The following JMJD1C variants were observed in gnomAD, a reference collection of about 807,000 sequenced individuals.
JMJD1C encodes the protein jumonji domain containing 1C.
In JMJD1C, 31 loss-of-function variants were observed where a neutral mutation model predicts 245.3. The observed-to-expected ratio is 0.13, with a 90% CI of 0.09 to 0.17. JMJD1C has a LOEUF of 0.17. Ranked by LOEUF, JMJD1C falls within the 10% of genes least tolerant of loss-of-function variation. The pLI, the probability that JMJD1C is intolerant of heterozygous loss-of-function variation, is 1.00. For synonymous variants in JMJD1C, 1,057 were observed against 1,017.4 expected (o/e 1.04, Z -0.74); for missense variants, 2,691 against 3,000.2 (o/e 0.90, Z 2.41).
At chr10:63,519,948 G>T (rs1018091016) in intron 1 of JMJD1C, among the ~76,000 whole-genome samples, 1 of 152,136 alleles carries the variant, frequency 6.6e-6, no homozygotes, top group Non-Finnish European at 1.5e-5. Flanking sequence ...TGCTTATGCA[G>T]CACACCTGAT....
chr10:63,267,103 G>A (rs1165781155), intron 2 of JMJD1C, among the ~76,000 whole-genome samples: 2 of 152,128 alleles, frequency 1.3e-5, no homozygotes, highest in Non-Finnish European at 2.9e-5. Context: ...ACAAGGACAT[G>A]AGTACTTATA....
At chr10:63,232,411 T>C (rs533826843) in intron 3 of JMJD1C, among the ~76,000 whole-genome samples, 7 of 152,320 alleles carry the variant, frequency 4.6e-5, no homozygotes, top group African/African-American at 1.4e-4. Flanking sequence ...AATTTACTTT[T>C]ATCTATGAAA....
chr10:63,380,844 A>T (rs1947156628), intron 1 of JMJD1C, among the ~76,000 whole-genome samples: 1 of 152,220 alleles, frequency 6.6e-6, no homozygotes, highest in Non-Finnish European at 1.5e-5. Context: ...TACCTCCAGT[A>T]TGGAAAACAG....
At chr10:63,185,742 A>G in intron 19 of JMJD1C, 89 bp from the exon 20 acceptor site, 1 of 776,530 alleles carries the variant, frequency 1.3e-6, no homozygotes, top group Admixed American at 2.1e-5. Flanking sequence ...TGAATGAATG[A>G]TTTGATTGTT....
chr10:63,277,031 A>T (rs1856849790), intron 2 of JMJD1C, among the ~76,000 whole-genome samples: 1 of 150,584 alleles, frequency 6.6e-6, no homozygotes, highest in African/African-American at 2.4e-5. Flanking sequence ...ACGGGCACCC[A>T]CCACCACGCC....
Position 63,198,745 on chromosome 10 carries a change from A to G in JMJD1C, c.5277-18T>C. On this transcript the variant is annotated intron_variant, in intron 11 of 25. Coordinates refer to ENST00000399262, the MANE Select transcript of JMJD1C (RefSeq NM_032776.3). The stretch of plus-strand genomic sequence containing the variant: ...ATGACAACCTGAAATATTAAAACAT[A>G]AAAGTATTAGGTACCCACATATTAA... The G allele has an allele frequency of 2.0e-6, 3 of 1,487,764 alleles. No individual in the cohort carries two copies. The highest frequency in any genetic ancestry group is 2.3e-5 in the East Asian group (1 of 43,716). The allele number at this position is 1,487,764 out of a possible 1,614,324, so 92.2% of individuals were successfully genotyped here.
intron 3 of JMJD1C, among the ~76,000 whole-genome samples, chr10:63,229,607 G>A (rs1460898441): frequency 6.6e-6 from 1 of 151,938 alleles, no homozygotes; most frequent in Non-Finnish European, 1.5e-5. Flanking sequence ...GATGAAAGGA[G>A]TAAATATAAT....
intron 1 of JMJD1C, among the ~76,000 whole-genome samples, chr10:63,495,629 G>C (rs1363058671): frequency 6.6e-6 from 1 of 151,538 alleles, no homozygotes; most frequent in East Asian, 1.9e-4. Context: ...AAAAATTACT[G>C]GGGTGTGGTG....
intron 2 of JMJD1C, among the ~76,000 whole-genome samples, chr10:63,312,958 T>C (rs1453759339): frequency 6.6e-6 from 1 of 152,236 alleles, no homozygotes; most frequent in Non-Finnish European, 1.5e-5. Flanking sequence ...AAACTTTTTT[T>C]TTCCATAGGT....
intron 2 of JMJD1C, among the ~76,000 whole-genome samples, chr10:63,330,767 CTTCT>C (rs1275573729): frequency 6.6e-6 from 1 of 152,146 alleles, no homozygotes; most frequent in Non-Finnish European, 1.5e-5. Context: ...AAAACCATTT[CTTCT>C]TTAACAGTCC....
intron 1 of JMJD1C, among the ~76,000 whole-genome samples, chr10:63,415,432 T>C (rs1225104054): frequency 6.6e-6 from 1 of 152,190 alleles, no homozygotes. Context: ...AATATGAAAC[T>C]AGTTCTCACT....
In JMJD1C at chr10:63,388,191, A is replaced by T. The variant is rs149761687; in HGVS notation, c.169-7709T>A. On this transcript the variant is annotated intron_variant, in intron 1 of 25. Transcript: ENST00000399262. Reference sequence around the variant, plus strand: ...ATCTTTTCCAGAGCACCTTATAGTAAAAATGTCACTAAGTCAAAGACAGAG... The same window carrying T: ...ATCTTTTCCAGAGCACCTTATAGTATAAATGTCACTAAGTCAAAGACAGAG... Among the ~76,000 whole-genome samples the T allele has an allele frequency of 3.0e-3, 462 of 152,282 alleles. 1 individual carries two copies. Among genetic ancestry groups the T allele is most frequent in the Non-Finnish European group, 5.0e-3 (341 of 68,028 alleles).
Position 63,213,863 on chromosome 10 carries a change from T to A in JMJD1C, c.2304A>T (p.Ser768=). 6.2e-7 allele frequency: 1 copy of A among 1,614,066 alleles called. No homozygotes were observed. The highest frequency in any genetic ancestry group is 1.1e-5 in the South Asian group (1 of 91,072). Residue 768 remains serine, a synonymous_variant, in exon 8 of 26, where the codon TCA becomes TCT. Coordinates refer to ENST00000399262, the MANE Select transcript of JMJD1C (RefSeq NM_032776.3). ...TGGTAGGTAATGGAGTTTGACTAGATGATCCGGCTAGTAAATGGGGTGCAG... is the reference window on the plus strand; with the variant it reads ...TGGTAGGTAATGGAGTTTGACTAGAAGATCCGGCTAGTAAATGGGGTGCAG... ...LTPAPHLLAG[S]SSQTPLPTIN... is the part of the protein sequence containing the mutation.
intron 2 of JMJD1C, among the ~76,000 whole-genome samples, chr10:63,318,839 A>G (rs1245470945): frequency 6.6e-6 from 1 of 152,156 alleles, no homozygotes; most frequent in Non-Finnish European, 1.5e-5. Context: ...GTTTCCTTAA[A>G]TGGGTCTGCT....
At chr10:63,371,055 AT>A (rs1203425806) in intron 2 of JMJD1C, among the ~76,000 whole-genome samples, 12 of 152,086 alleles carry the variant, frequency 7.9e-5, no homozygotes, top group African/African-American at 2.7e-4. Flanking sequence ...ATAGCTCACC[AT>A]AGCCTTGTAC....
At chr10:63,374,661 T>TA (rs1344522400) in intron 2 of JMJD1C, among the ~76,000 whole-genome samples, 5 of 152,224 alleles carry the variant, frequency 3.3e-5, no homozygotes, top group African/African-American at 1.2e-4. Flanking sequence ...CCCAGTTGCT[T>TA]ATAATGCTCC....
chr10:63,306,541 T>C (rs1938265283), intron 2 of JMJD1C, among the ~76,000 whole-genome samples: 1 of 152,188 alleles, frequency 6.6e-6, no homozygotes, highest in South Asian at 2.1e-4. Flanking sequence ...AAAGAAAAAA[T>C]GTATGACTGT....
chr10:63,304,410 T>TA (rs147665768), intron 2 of JMJD1C, among the ~76,000 whole-genome samples: 30,416 of 151,580 alleles, frequency 0.2, 3,992 homozygotes, highest in Non-Finnish European at 0.29. Context: ...GCCAGGAATT[T>TA]AAAAAAAACA....
intron 3 of JMJD1C, chr10:63,222,317 C>A: frequency 1.5e-6 from 2 of 1,320,702 alleles, no homozygotes; most frequent in Non-Finnish European, 2.2e-6. Flanking sequence ...TGGAAATCTA[C>A]AAGACAGTAA....
Sources: gnomAD v4.1 joint callset for allele counts (sites outside exome capture counted in the v4.1 genomes callset) on GRCh38, gnomAD v4.1.1 for gene constraint, MANE v1.5 for transcripts, NCBI Gene and HGNC (gene_info 2026-07-23, HGNC 2026-07-21) for gene names.